ADORA2B: variants seen among roughly 807,000 people sequenced by gnomAD.
ADORA2B encodes the protein adenosine receptor A2b.
ADORA2B carries 18 observed loss-of-function variants against 20.8 expected under a neutral mutation model. The observed-to-expected ratio is 0.87, with a 90% confidence interval of 0.60 to 1.29. ADORA2B has a LOEUF of 1.29. Ranked by LOEUF, ADORA2B falls within the 50% of genes most tolerant of loss-of-function variation. ADORA2B has a pLI of 0.00. For missense variants in ADORA2B, 441 were observed against 422.7 expected, an observed-to-expected ratio of 1.04 and a Z score of -0.38; for synonymous variants, 179 against 178.3, an observed-to-expected ratio of 1.00 and a Z score of -0.03.
chr17:15,960,892 G>T (rs1460480618), intron 1 of ADORA2B, among the ~76,000 whole-genome samples: 4 of 146,012 alleles, frequency 2.7e-5, no homozygotes, highest in Admixed American at 6.9e-5. Context: ...AAAAGTCTGG[G>T]CGCAGTAGCT....
chr17:15,878,140 G>A, the ADORA2B span, among the ~76,000 whole-genome samples: 1 of 150,690 alleles, frequency 6.6e-6, no homozygotes, highest in Admixed American at 6.6e-5. Context: ...AATCATATCT[G>A]TCACAGAGGT....
the ADORA2B span, among the ~76,000 whole-genome samples, chr17:15,891,046 C>G: frequency 6.6e-6 from 1 of 152,198 alleles, no homozygotes; most frequent in Non-Finnish European, 1.5e-5. Context: ...GCAGGCAGAT[C>G]CCCTGAGGTC....
the ADORA2B span, among the ~76,000 whole-genome samples, chr17:15,880,531 T>A: frequency 0.03 from 4,215 of 139,012 alleles, 163 homozygotes; most frequent in African/African-American, 0.093. Flanking sequence ...CACTCAAAAG[T>A]CAGGGCTGTG....
the ADORA2B span, among the ~76,000 whole-genome samples, chr17:15,886,065 A>G: frequency 1.3e-5 from 2 of 152,214 alleles, no homozygotes; most frequent in African/African-American, 2.4e-5. Flanking sequence ...TGGGAACTCA[A>G]CTGTGGCTCA....
rs1969782744 is a variant in ADORA2B, at chr17:15,945,180, G to A, written c.-69G>A. ...CGGGCGCTATGGCCATGCCCGGCGG[G>A]TCTCACGCGGCTGCCCCTCGCCCGG... is the stretch of plus-strand genomic sequence containing the variant. On this transcript the variant is annotated 5_prime_UTR_variant, in exon 1 of 2. Transcript: ENST00000304222. The A allele has an allele frequency of 1.2e-5, 16 of 1,313,854 alleles. No individual in the cohort carries two copies. The highest frequency in any genetic ancestry group is 1.6e-5 in the Non-Finnish European group (16 of 1,022,432). 81.4% of individuals were successfully genotyped at this position (1,313,854 alleles called of 1,614,324 possible). A position where few individuals can be genotyped will look rare whatever the true frequency, so the allele number is the denominator to read the frequency against.
chr17:15,921,216 C>T, the ADORA2B span, among the ~76,000 whole-genome samples: 2 of 152,220 alleles, frequency 1.3e-5, no homozygotes, highest in Admixed American at 6.5e-5. Flanking sequence ...TGGCAAATCT[C>T]AATCAGAACT....
the ADORA2B span, among the ~76,000 whole-genome samples, chr17:15,906,779 A>G: frequency 6.6e-6 from 1 of 152,240 alleles, no homozygotes; most frequent in East Asian, 1.9e-4. Flanking sequence ...GTCATGCATT[A>G]TAAGATTATT....
the ADORA2B span, among the ~76,000 whole-genome samples, chr17:15,898,972 A>G: frequency 6.6e-6 from 1 of 152,098 alleles, no homozygotes; most frequent in African/African-American, 2.4e-5. Context: ...GCTCACGCCC[A>G]TAATCCCAGC....
intron 1 of ADORA2B, among the ~76,000 whole-genome samples, chr17:15,955,867 C>T (rs535327844): frequency 6.6e-6 from 1 of 151,666 alleles, no homozygotes; most frequent in Admixed American, 6.6e-5. Context: ...TACAGGCGTG[C>T]ACCACCACAC....
At chr17:15,900,210 A>C in the ADORA2B span, among the ~76,000 whole-genome samples, 1 of 152,216 alleles carries the variant, frequency 6.6e-6, no homozygotes, top group Non-Finnish European at 1.5e-5. Context: ...GTAGTGATGC[A>C]GTGAACATAC....
At chr17:15,962,659 G>A (rs1315435758) in intron 1 of ADORA2B, among the ~76,000 whole-genome samples, 1 of 152,170 alleles carries the variant, frequency 6.6e-6, no homozygotes, top group Non-Finnish European at 1.5e-5. Context: ...AGCCTCCTGA[G>A]TAGCTGGGAT....
the ADORA2B span, among the ~76,000 whole-genome samples, chr17:15,918,025 T>G: frequency 9.0e-3 from 1,374 of 152,332 alleles, 27 homozygotes; most frequent in African/African-American, 0.031. Context: ...CACCTTAGAC[T>G]GGGCAGCTTA....
chr17:15,911,815 G>A, the ADORA2B span, among the ~76,000 whole-genome samples: 52 of 152,168 alleles, frequency 3.4e-4, no homozygotes, highest in African/African-American at 1.2e-3. Context: ...TGTAATGGCA[G>A]CATTTTGGGA....
Position 15,959,572 on chromosome 17 carries a change from C to T in ADORA2B, c.335+13989C>T, listed in dbSNP as rs547606026. ...CTGGGGTGCAATGGCGCGATCTGAG[C>T]TCACGGCAACCTCCGCCTCCTGGGT... On this transcript the variant is annotated intron_variant, in intron 1 of 1. Transcript: ENST00000304222. Among the ~76,000 whole-genome samples, 25 of 144,548 alleles carry T rather than the reference C, an allele frequency of 1.7e-4. No individual in the cohort carries two copies. In the Admixed American group the frequency reaches 1.8e-3, roughly 11 times the overall value. 94.8% of individuals were successfully genotyped at this position (144,548 alleles called of 152,430 possible).
intron 1 of ADORA2B, among the ~76,000 whole-genome samples, chr17:15,947,531 G>A (rs1348133956): frequency 1.3e-5 from 2 of 152,366 alleles, no homozygotes; most frequent in Non-Finnish European, 1.5e-5. Flanking sequence ...CAGGAGGGAA[G>A]AACACTGAGG....
chr17:15,875,652 G>A, the ADORA2B span, among the ~76,000 whole-genome samples: 1 of 152,056 alleles, frequency 6.6e-6, no homozygotes, highest in Non-Finnish European at 1.5e-5. Flanking sequence ...GCACGATCTC[G>A]GTTCACTGCA....
At chr17:15,933,884 A>G in the ADORA2B span, among the ~76,000 whole-genome samples, 1 of 152,114 alleles carries the variant, frequency 6.6e-6, no homozygotes, top group Non-Finnish European at 1.5e-5. Context: ...TAGAACCCCC[A>G]ATACAATTCT....
the ADORA2B span, among the ~76,000 whole-genome samples, chr17:15,868,736 T>C: frequency 1.0e-5 from 1 of 95,414 alleles, no homozygotes; most frequent in East Asian, 2.7e-4. Context: ...GCTGAGATCA[T>C]GCCACTGCAC....
chr17:15,884,827 G>A, the ADORA2B span, among the ~76,000 whole-genome samples: 64 of 152,094 alleles, frequency 4.2e-4, no homozygotes, highest in Non-Finnish European at 7.9e-4. Context: ...TCATTGATGG[G>A]CATTTGGGCT....
Sources: allele counts gnomAD v4.1 joint callset (sites outside exome capture counted in the v4.1 genomes callset), GRCh38; gene constraint gnomAD v4.1.1; transcripts MANE v1.5; gene names NCBI Gene and HGNC (gene_info 2026-07-23, HGNC 2026-07-21).